Variants in SCML2 observed in about 807,000 individuals in gnomAD.
SCML2 encodes Scm polycomb group protein like 2.
Under a neutral mutation model 48.4 loss-of-function variants are expected in SCML2, and 6 were observed. The ratio of observed to expected loss-of-function variants is 0.12; its 90% CI spans 0.07 to 0.24. SCML2 has a LOEUF of 0.24. SCML2 is among the 10% of genes least tolerant of loss of function. The probability of loss-of-function intolerance (pLI) is 1.00; values close to 1 mark genes in which losing one functional copy is unlikely to be tolerated. For missense variants in SCML2, 377 were observed against 528.2 expected (o/e 0.71, Z 2.81); for synonymous variants, 181 against 189.5 (o/e 0.95, Z 0.37).
chrX:18,343,785 A>G (rs1433616584), intron 1 of SCML2, among the ~76,000 whole-genome samples: 1 of 105,485 alleles, frequency 9.5e-6, no homozygotes, highest in Non-Finnish European at 1.9e-5. Context: ...AAAAAGAAAA[A>G]GAAAAGGAAA....
In SCML2 at chrX:18,354,449, G is replaced by C. The variant is rs1487800142; in HGVS notation, c.-25+143C>G. 7.6e-5 allele frequency: 17 copies of C among 224,007 alleles called. No individual in the cohort carries two copies. In the Admixed American group the frequency reaches 9.3e-4, roughly 12 times the overall value. 18.5% of individuals were successfully genotyped at this position (224,007 alleles called of 1,213,427 possible). On this transcript the variant is annotated intron_variant, in intron 1 of 14. Transcript: ENST00000251900. ...CCTATCGCGAAGCCGAACTGAGATG[G>C]GACATAGGCGGGATCGTAAGGGGGC...
chrX:18,253,196 A>G (rs1926725432), intron 11 of SCML2, among the ~76,000 whole-genome samples: 1 of 111,886 alleles, frequency 8.9e-6, no homozygotes, highest in Non-Finnish European at 1.9e-5. Flanking sequence ...CCTGAAGAAT[A>G]GCGAGGAATC....
In SCML2 at chrX:18,247,827, T is replaced by C. The variant is rs773682671; in HGVS notation, c.1512A>G (p.Val504=). ...TAGGAGAGAGAGGAACAACATATGG[T>C]ACAGTTTGCTGAGGAGATCGTTTGG... ...QSTKRSPQQT[V]PYVVPLSPKL... is the part of the protein sequence containing the mutation. The change falls in exon 12 of 15, where the codon GTA becomes GTG. Residue 504 remains valine, a synonymous_variant. Coordinates refer to ENST00000251900, the MANE Select transcript of SCML2 (RefSeq NM_006089.3). 27 of 1,209,561 alleles carry C rather than the reference T, an allele frequency of 2.2e-5. No individual in the cohort carries two copies. Among genetic ancestry groups the C allele is most frequent in the Non-Finnish European group, 2.9e-5 (26 of 894,807 alleles).
chrX:18,249,802 T>C (rs1248850122), intron 11 of SCML2, among the ~76,000 whole-genome samples: 3 of 111,214 alleles, frequency 2.7e-5, no homozygotes, highest in Non-Finnish European at 5.7e-5. Flanking sequence ...CTGCACAAGG[T>C]TGACTTACAA....
At chrX:18,354,719 A>C, upstream of SCML2, 1 of 251,968 alleles carries the variant, frequency 4.0e-6, no homozygotes, top group Non-Finnish European at 7.1e-6. Flanking sequence ...CGCAACCGCC[A>C]CTGCCGCCCC....
intron 1 of SCML2, among the ~76,000 whole-genome samples, chrX:18,343,360 AAGAGAG>A (rs778233152): frequency 9.2e-6 from 1 of 109,042 alleles, no homozygotes; most frequent in Non-Finnish European, 1.9e-5. Context: ...GGAAAAAAAA[AAGAGAG>A]AGAGAGAGAG....
intron 1 of SCML2, among the ~76,000 whole-genome samples, chrX:18,347,616 C>G (rs1269149406): frequency 9.7e-6 from 1 of 103,325 alleles, no homozygotes; most frequent in Non-Finnish European, 2.0e-5. Context: ...CTCACCTACC[C>G]GGGTGGCTGA....
At chrX:18,242,339 T>C (rs1926294443) in intron 14 of SCML2, 100 bp downstream of exon 14, 12 of 901,218 alleles carry the variant, frequency 1.3e-5, no homozygotes, top group Non-Finnish European at 1.8e-5. Flanking sequence ...AATCAGTTGA[T>C]AGGGTTCCCC....
At chrX:18,347,525 G>A (rs201428379) in intron 1 of SCML2, among the ~76,000 whole-genome samples, 1 of 107,359 alleles carries the variant, frequency 9.3e-6, no homozygotes, top group East Asian at 2.9e-4. Context: ...TACGAGGTGG[G>A]CAGATCACTT....
rs776983491 is a variant in SCML2, at chrX:18,329,832, T to C, written c.91+755A>G. ...GTGGCTCACGCCTGTAATCCCAGCA[T>C]TTTGGGAGGTTGAGGCAAGTGGATC... On this transcript the variant is annotated intron_variant, in intron 3 of 14. Transcript: ENST00000251900. Among the ~76,000 whole-genome samples the C allele has an allele frequency of 3.6e-5, 4 of 112,012 alleles. No individual in the cohort carries two copies. The East Asian group carries it at 8.4e-4, about 24-fold the overall frequency.
chrX:18,354,806 G>A (rs1209486368), upstream of SCML2: 1 of 139,580 alleles, frequency 7.2e-6, no homozygotes, highest in African/African-American at 3.2e-5. Flanking sequence ...TGCGGGGCCC[G>A]AGCCGGGGTC....
intron 7 of SCML2, among the ~76,000 whole-genome samples, chrX:18,273,988 T>C (rs1927546170): frequency 9.0e-6 from 1 of 111,026 alleles, no homozygotes; most frequent in African/African-American, 3.3e-5. Context: ...CCATCAGCAA[T>C]AAAATCCCCC....
At chrX:18,264,918 C>T in intron 8 of SCML2, among the ~76,000 whole-genome samples, 1 of 111,624 alleles carries the variant, frequency 9.0e-6, no homozygotes, top group Non-Finnish European at 1.9e-5. Context: ...AAAATCCCTC[C>T]ATTCCCTTTA....
chrX:18,251,789 G>C (rs1352920517), intron 11 of SCML2, among the ~76,000 whole-genome samples: 1 of 112,439 alleles, frequency 8.9e-6, no homozygotes, highest in Non-Finnish European at 1.9e-5. Flanking sequence ...TTGTACCTGA[G>C]AGAACACGTA....
rs1161999794 is a variant in SCML2 at position 18,294,442 on chromosome X, C to T, written c.730+10530G>A. ...CCACCATGGACTCCGCCAGCCCTAGCCACAGAAAAACCCATCACAGGCCCT... is the reference window on the plus strand; with the variant it reads ...CCACCATGGACTCCGCCAGCCCTAGTCACAGAAAAACCCATCACAGGCCCT... On this transcript the variant is annotated intron_variant, in intron 7 of 14. Coordinates refer to ENST00000251900, the MANE Select transcript of SCML2 (RefSeq NM_006089.3). Among the ~76,000 whole-genome samples the T allele has an allele frequency of 3.6e-5, 4 of 110,951 alleles. No homozygotes were observed. In the East Asian group the frequency reaches 1.1e-3, roughly 32 times the overall value.
chrX:18,321,210 A>G (rs1929307874), intron 5 of SCML2, among the ~76,000 whole-genome samples: 2 of 112,010 alleles, frequency 1.8e-5, no homozygotes, highest in South Asian at 7.4e-4. Context: ...AATACATACT[A>G]AAAATGATCT....
intron 1 of SCML2, among the ~76,000 whole-genome samples, chrX:18,349,616 C>T (rs1930307762): frequency 9.0e-6 from 1 of 111,224 alleles, no homozygotes; most frequent in South Asian, 3.8e-4. Flanking sequence ...CATGGTGAAA[C>T]CCCGTCCCTA....
chrX:18,270,912 T>C (rs1388294740), intron 7 of SCML2, among the ~76,000 whole-genome samples: 1 of 112,151 alleles, frequency 8.9e-6, no homozygotes, highest in African/African-American at 3.2e-5. Context: ...ATGCTACTCA[T>C]CTTTAATAAA....
chrX:18,331,805 G>A (rs1304723377), intron 2 of SCML2, among the ~76,000 whole-genome samples: 1 of 111,589 alleles, frequency 9.0e-6, no homozygotes, highest in East Asian at 2.8e-4. Context: ...AATACCAGTT[G>A]GTTGGTCCTT....
Sources: allele counts gnomAD v4.1 joint callset (sites outside exome capture counted in the v4.1 genomes callset), GRCh38; gene constraint gnomAD v4.1.1; transcripts MANE v1.5; gene names NCBI Gene and HGNC (gene_info 2026-07-23, HGNC 2026-07-21).